The following INPP5A variants were observed in gnomAD, a reference collection of about 807,000 sequenced individuals.
INPP5A encodes 43 kDa inositol polyphosphate 5-phophatase.
In INPP5A, 14 loss-of-function variants were observed where a neutral mutation model predicts 65.2. That is an observed-to-expected ratio of 0.21 (90% CI 0.14 to 0.34). INPP5A has a LOEUF of 0.34. INPP5A is among the 10% of genes least tolerant of loss of function. The probability of loss-of-function intolerance (pLI) is 1.00; values close to 1 mark genes in which losing one functional copy is unlikely to be tolerated. For synonymous variants in INPP5A, 207 were observed against 208.3 expected, an observed-to-expected ratio of 0.99 and a Z score of 0.05; for missense variants, 431 against 545.6, an observed-to-expected ratio of 0.79 and a Z score of 2.09.
At position 132,777,769 on chromosome 10, in the gene INPP5A, A is replaced by T. The variant is rs1208028415; in HGVS notation, c.1076A>T (p.Glu359Val). 6.2e-7 allele frequency: 1 copy of T among 1,613,044 alleles called. No homozygotes were observed. Among genetic ancestry groups the T allele is most frequent in the Non-Finnish European group, 8.5e-7 (1 of 1,179,946 alleles). The change falls in exon 13 of 16, where the codon GAG becomes GTG. Residue 359 changes from glutamate (E) to valine (V), a missense_variant. Transcript: ENST00000368594. ...ATCCTCATGTCCCCGTCTGCCAAGG[A>T]GCTGGTGCTGCGGGTGAGTGTGTGC... is the stretch of plus-strand genomic sequence containing the variant. The part of the protein sequence containing the change: ...DRILMSPSAK[E>V]LVLRSESEEK...
Position 132,726,697 on chromosome 10 carries a change from T to G in INPP5A, c.648-124T>G. Reference sequence around the variant, plus strand: ...GTGTGCAAAGAGGCAACCACTGAGGTTCCCCTGCAGCAGGTGACAGAACAG... The same window carrying G: ...GTGTGCAAAGAGGCAACCACTGAGGGTCCCCTGCAGCAGGTGACAGAACAG... On this transcript the variant is annotated intron_variant, in intron 8 of 15. Transcript: ENST00000368594. 3 of 683,410 alleles carry G rather than the reference T, an allele frequency of 4.4e-6. No homozygotes were observed. The South Asian group carries it at 5.6e-5, about 13-fold the overall frequency. 42.3% of individuals were successfully genotyped at this position (683,410 alleles called of 1,614,324 possible). A position where few individuals can be genotyped will look rare whatever the true frequency, so the allele number is the denominator to read the frequency against.
At chr10:132,624,058 C>T (rs1401086231) in intron 2 of INPP5A, among the ~76,000 whole-genome samples, 1 of 152,168 alleles carries the variant, frequency 6.6e-6, no homozygotes, top group East Asian at 1.9e-4. Flanking sequence ...AAGTCCTATG[C>T]CTGCTGCTGG....
At chr10:132,743,375 C>T (rs1324096784) in intron 9 of INPP5A, among the ~76,000 whole-genome samples, 1 of 140,702 alleles carries the variant, frequency 7.1e-6, no homozygotes, top group Non-Finnish European at 1.5e-5. Context: ...CCCACCAGCG[C>T]TGCACTCAGC....
chr10:132,730,412 G>T (rs530164059), intron 9 of INPP5A, among the ~76,000 whole-genome samples: 1 of 152,238 alleles, frequency 6.6e-6, no homozygotes, highest in African/African-American at 2.4e-5. Flanking sequence ...TGGGCAGCGC[G>T]GGAGGGGGCG....
chr10:132,592,842 T>C (rs765268391), intron 1 of INPP5A, among the ~76,000 whole-genome samples: 6 of 152,234 alleles, frequency 3.9e-5, no homozygotes, highest in Non-Finnish European at 5.9e-5. Context: ...ACCAGTTTGT[T>C]GTTTCATGCT....
intron 1 of INPP5A, among the ~76,000 whole-genome samples, chr10:132,541,146 C>T (rs921490404): frequency 2.0e-5 from 3 of 152,124 alleles, no homozygotes; most frequent in African/African-American, 7.2e-5. Flanking sequence ...GCCACCATGC[C>T]TAGCTAATTT....
rs544841405 is a variant in INPP5A, at chr10:132,575,054, G to A, written c.76-32861G>A. Among the ~76,000 whole-genome samples, 69 of 152,288 alleles carry A rather than the reference G, an allele frequency of 4.5e-4. No individual in the cohort carries two copies. Among genetic ancestry groups the A allele is most frequent in the Middle Eastern group, 3.4e-3 (1 of 294 alleles). On this transcript the variant is annotated intron_variant, in intron 1 of 15. Coordinates refer to ENST00000368594, the MANE Select transcript of INPP5A (RefSeq NM_005539.5). The surrounding 1 kb of genome is among the most constrained non-coding windows in gnomAD (Gnocchi z 5.4). ...TCTGCGGAGTCCTCCCGGGGGCTCC[G>A]GATTCGGGGTGTCCGTGGAAAACAC... is the stretch of plus-strand genomic sequence containing the variant.
rs888497055 is a variant in INPP5A, at chr10:132,708,000, CAG to C, written c.475-312_475-311del. On this transcript the variant is annotated intron_variant, in intron 6 of 15. Coordinates refer to ENST00000368594, the MANE Select transcript of INPP5A (RefSeq NM_005539.5). This position sits in a 1 kb window ranked among gnomAD's most constrained non-coding sequence, Gnocchi z 5.5. ...GCTCCCTGATCAGCATCTGTGGTGA[CAG>C]TGGTTTCCCTGCAGCTGCTCTCACA... Among the ~76,000 whole-genome samples, 1 of 152,202 alleles carries C rather than the reference CAG, an allele frequency of 6.6e-6. No individual in the cohort carries two copies. The highest frequency in any genetic ancestry group is 1.5e-5 in the Non-Finnish European group (1 of 68,022).
rs540840456 is a variant in INPP5A, at chr10:132,759,094, A to G, written c.904-6679A>G. 6.6e-5 allele frequency among the ~76,000 whole-genome samples: 10 copies of G among 152,312 alleles called. No homozygotes were observed. The East Asian group carries it at 9.6e-4, about 15-fold the overall frequency. ...AGTTCTGATTTCCAGAGCACTGTGC[A>G]TGGTATGCTTCTGACTGAGGCCCTG... On this transcript the variant is annotated intron_variant, in intron 11 of 15. Transcript: ENST00000368594.
chr10:132,771,870 G>A (rs55935019), intron 12 of INPP5A, among the ~76,000 whole-genome samples: 3,086 of 38,120 alleles, frequency 0.081, 459 homozygotes, highest in African/African-American at 0.14. Flanking sequence ...CAGCCACCCC[G>A]CGAAGAGTGG....
rs73399364 is a variant in INPP5A, at chr10:132,598,885, G to A, written c.76-9030G>A. 4.1e-3 allele frequency among the ~76,000 whole-genome samples: 617 copies of A among 152,274 alleles called. 3 individuals carry two copies. The highest frequency in any genetic ancestry group is 0.014 in the African/African-American group (588 of 41,544). On this transcript the variant is annotated intron_variant, in intron 1 of 15. Transcript: ENST00000368594. ...GAGAAAATGAGAGAGAAGTAAAAGC[G>A]GAAACCTCTGATAAGCCCATCAGAT...
In INPP5A at chr10:132,666,652, C is replaced by T. The variant is rs187275369; in HGVS notation, c.306+16147C>T. Among the ~76,000 whole-genome samples, 335 of 152,312 alleles carry T rather than the reference C, an allele frequency of 2.2e-3. 4 individuals carry two copies. The highest frequency in any genetic ancestry group is 1.2e-4 in the Non-Finnish European group (8 of 68,036). ...GAAAACCCTGAAGGATGGCCCACAC[C>T]GAGCCGAAACATCTTTCAAACGGAA... On this transcript the variant is annotated intron_variant, in intron 4 of 15. Transcript: ENST00000368594.
At chr10:132,553,385 C>A (rs572893338) in intron 1 of INPP5A, among the ~76,000 whole-genome samples, 2 of 143,412 alleles carry the variant, frequency 1.4e-5, no homozygotes, top group Admixed American at 1.4e-4. Flanking sequence ...CTGGTGAACG[C>A]CTTCTCAGAG....
intron 1 of INPP5A, among the ~76,000 whole-genome samples, chr10:132,553,984 G>C (rs1169309459): frequency 4.0e-5 from 6 of 151,170 alleles, no homozygotes; most frequent in Admixed American, 4.0e-4. Context: ...AGCCTTGGTG[G>C]AATATTGAGT....
intron 9 of INPP5A, among the ~76,000 whole-genome samples, chr10:132,745,762 TATGGTGGGCCCGGGC>T (rs1481098624): frequency 2.1e-5 from 3 of 139,570 alleles, no homozygotes; most frequent in South Asian, 4.6e-4. Context: ...TGGCCTTGGG[TATGGTGGGCCCGGGC>T]ATGGTGGGCT....
At chr10:132,687,340 C>G (rs59226150) in intron 4 of INPP5A, among the ~76,000 whole-genome samples, 15 of 152,332 alleles carry the variant, frequency 9.8e-5, no homozygotes, top group East Asian at 1.9e-4. Context: ...GCGGGTCAGT[C>G]GAGCAGTGTC....
chr10:132,608,488 C>T (rs577189639), intron 2 of INPP5A, among the ~76,000 whole-genome samples: 29 of 152,328 alleles, frequency 1.9e-4, no homozygotes, highest in African/African-American at 6.5e-4. Flanking sequence ...CTGGTGTGGA[C>T]GCTGCAGATG....
intron 6 of INPP5A, among the ~76,000 whole-genome samples, chr10:132,703,273 C>T (rs1162952168): frequency 6.6e-6 from 1 of 152,132 alleles, no homozygotes; most frequent in Admixed American, 6.5e-5. Flanking sequence ...CGTTGTCATA[C>T]GTGCCTCCTG....
rs1419048903 is a variant in INPP5A, at chr10:132,782,152, G to T, written c.*123G>T. On this transcript the variant is annotated 3_prime_UTR_variant, in exon 16 of 16. Coordinates refer to ENST00000368594, the MANE Select transcript of INPP5A (RefSeq NM_005539.5). The surrounding 1 kb of genome is among the most constrained non-coding windows in gnomAD (Gnocchi z 4.4). Reference sequence around the variant, plus strand: ...CCGCCCAAGCGCCACCTGCTAGACGGCCAGCCCCACACTTCGCTTCAGCCT... The same window carrying T: ...CCGCCCAAGCGCCACCTGCTAGACGTCCAGCCCCACACTTCGCTTCAGCCT... 6.7e-7 allele frequency: 1 copy of T among 1,494,070 alleles called. No homozygotes were observed. The highest frequency in any genetic ancestry group is 9.0e-7 in the Non-Finnish European group (1 of 1,105,366). 92.6% of individuals were successfully genotyped at this position (1,494,070 alleles called of 1,614,324 possible).
Sources: allele counts gnomAD v4.1 joint callset (sites outside exome capture counted in the v4.1 genomes callset), GRCh38; gene constraint gnomAD v4.1.1; non-coding constraint Gnocchi (gnomAD v3.1); transcripts MANE v1.5; gene names NCBI Gene and HGNC (gene_info 2026-07-23, HGNC 2026-07-21).